Variants in PRMT3 observed in about 807,000 individuals in gnomAD.
PRMT3 encodes protein arginine methyltransferase 3.
In PRMT3, 62 loss-of-function variants were observed where a neutral mutation model predicts 71.9. That is an observed-to-expected ratio of 0.86 (90% CI 0.70 to 1.07). The LOEUF is 1.07. Among genes scored for constraint, PRMT3 ranks in the 50% least tolerant of loss-of-function variants. The pLI is 0.00. For missense variants in PRMT3, 663 were observed against 643.0 expected (o/e 1.03, Z -0.34); for synonymous variants, 213 against 220.4 (o/e 0.97, Z 0.30).
intron 9 of PRMT3, among the ~76,000 whole-genome samples, chr11:20,421,444 G>A (rs559161082): frequency 6.6e-6 from 1 of 152,254 alleles, no homozygotes; most frequent in Non-Finnish European, 1.5e-5. Flanking sequence ...TGTTGGCTGT[G>A]ACTCATGGGT....
chr11:20,491,679 G>T (rs1271884647), intron 13 of PRMT3, among the ~76,000 whole-genome samples: 1 of 152,032 alleles, frequency 6.6e-6, no homozygotes, highest in African/African-American at 2.4e-5. Context: ...TGTTGGTTTC[G>T]GTTTTTTTTC....
At chr11:20,477,680 C>T (rs1850825524) in intron 13 of PRMT3, among the ~76,000 whole-genome samples, 1 of 152,062 alleles carries the variant, frequency 6.6e-6, no homozygotes, top group Non-Finnish European at 1.5e-5. Flanking sequence ...CTTGAGGTAC[C>T]TGAAACAAAT....
chr11:20,443,154 T>C (rs1325873230), intron 10 of PRMT3, among the ~76,000 whole-genome samples: 2 of 152,212 alleles, frequency 1.3e-5, no homozygotes, highest in Non-Finnish European at 1.5e-5. Flanking sequence ...TTTAAATTAT[T>C]GACTTTAGGT....
intron 6 of PRMT3, 22 bp downstream of exon 6, chr11:20,395,984 AT>A (rs1262887462): frequency 2.5e-6 from 4 of 1,610,514 alleles, no homozygotes; most frequent in Non-Finnish European, 3.4e-6. Flanking sequence ...ATCTTGCAAA[AT>A]TAATTGTTTT....
chr11:20,498,395 AC>A (rs1171005785), intron 15 of PRMT3, among the ~76,000 whole-genome samples: 1 of 152,216 alleles, frequency 6.6e-6, no homozygotes, highest in African/African-American at 2.4e-5. Context: ...GTAAAATGAA[AC>A]ATCATGTAGA....
intron 5 of PRMT3, 79 bp downstream of exon 5, chr11:20,393,078 G>T: frequency 1.2e-6 from 1 of 860,028 alleles, no homozygotes. Flanking sequence ...GAGTGTTTTA[G>T]GAAAAGACAT....
intron 9 of PRMT3, among the ~76,000 whole-genome samples, chr11:20,421,238 A>G (rs1286658163): frequency 2.0e-5 from 3 of 151,964 alleles, no homozygotes; most frequent in Non-Finnish European, 4.4e-5. Context: ...AGTTCTTCCT[A>G]TGTTGCCTAG....
At chr11:20,388,564 C>T (rs552457787) in intron 2 of PRMT3, among the ~76,000 whole-genome samples, 28 of 152,348 alleles carry the variant, frequency 1.8e-4, no homozygotes, top group Admixed American at 1.2e-3. Flanking sequence ...ACATATTTGG[C>T]AGCCACCCTG....
rs140488368 is a variant in PRMT3, at chr11:20,417,097, G to A, written c.893+9065G>A. On this transcript the variant is annotated intron_variant, in intron 9 of 15. Coordinates refer to ENST00000331079, the MANE Select transcript of PRMT3 (RefSeq NM_005788.4). ...CACCTCCACTGTCATGCTCGCTGAC[G>A]TGTGCACTGAGTACTGGGTCTTTCT... is the stretch of plus-strand genomic sequence containing the variant. Among the ~76,000 whole-genome samples, 92 of 152,236 alleles carry A rather than the reference G, an allele frequency of 6.0e-4. No homozygotes were observed. The East Asian group carries it at 0.017, about 28-fold the overall frequency.
intron 15 of PRMT3, among the ~76,000 whole-genome samples, chr11:20,496,287 G>A (rs774743768): frequency 2.6e-5 from 4 of 152,074 alleles, no homozygotes; most frequent in East Asian, 1.9e-4. Flanking sequence ...GCATGGTGGC[G>A]CACACCTATA....
chr11:20,449,608 G>A (rs1850104707), intron 10 of PRMT3, among the ~76,000 whole-genome samples: 1 of 151,978 alleles, frequency 6.6e-6, no homozygotes, highest in Non-Finnish European at 1.5e-5. Flanking sequence ...ATGGTGCTTT[G>A]GGGAAGAATT....
chr11:20,482,288 G>A (rs866353114), intron 13 of PRMT3, among the ~76,000 whole-genome samples: 1 of 145,846 alleles, frequency 6.9e-6, no homozygotes, highest in Non-Finnish European at 1.5e-5. Flanking sequence ...TATTATAAAA[G>A]GATTTGAACA....
chr11:20,474,631 T>G (rs1850734677), intron 13 of PRMT3, among the ~76,000 whole-genome samples: 1 of 152,178 alleles, frequency 6.6e-6, no homozygotes, highest in South Asian at 2.1e-4. Flanking sequence ...AGAGGTGTGG[T>G]TTCCTGGGCA....
At chr11:20,491,920 G>C (rs887888506) in intron 13 of PRMT3, among the ~76,000 whole-genome samples, 6 of 152,048 alleles carry the variant, frequency 3.9e-5, no homozygotes, top group Admixed American at 3.9e-4. Context: ...AAAATTATTA[G>C]TTCCATTCAA....
intron 8 of PRMT3, among the ~76,000 whole-genome samples, chr11:20,404,423 G>C (rs893788018): frequency 6.6e-6 from 1 of 151,306 alleles, no homozygotes; most frequent in African/African-American, 2.4e-5. Context: ...TAATAGAGAC[G>C]GGGTTTCACC....
At chr11:20,504,859 A>G (rs1590118581) in intron 15 of PRMT3, among the ~76,000 whole-genome samples, 1 of 152,020 alleles carries the variant, frequency 6.6e-6, no homozygotes, top group Non-Finnish European at 1.5e-5. Flanking sequence ...TCAGCCTCCC[A>G]AGTAACTGAG....
intron 15 of PRMT3, among the ~76,000 whole-genome samples, chr11:20,497,443 T>C (rs1178335766): frequency 6.6e-6 from 1 of 152,154 alleles, no homozygotes; most frequent in Non-Finnish European, 1.5e-5. Context: ...TGAAGAAAGA[T>C]TTTAAAAGGA....
chr11:20,436,104 ATTTC>A (rs1168639439), intron 10 of PRMT3, among the ~76,000 whole-genome samples: 1 of 152,004 alleles, frequency 6.6e-6, no homozygotes, highest in East Asian at 1.9e-4. Context: ...TGCTTTCTTG[ATTTC>A]TTTATTACTT....
chr11:20,508,570 C>T lies in PRMT3; in HGVS notation c.*157C>T, dbSNP rs1851653921. On this transcript the variant is annotated 3_prime_UTR_variant, in exon 16 of 16. Coordinates refer to ENST00000331079, the MANE Select transcript of PRMT3 (RefSeq NM_005788.4). ...AGAAGTTCTCATTGTGGGAATCTGACATAGTTCAGCTGAGGAAGAGAATCA... is the reference window on the plus strand; with the variant it reads ...AGAAGTTCTCATTGTGGGAATCTGATATAGTTCAGCTGAGGAAGAGAATCA... 1 of 702,826 alleles carries T rather than the reference C, an allele frequency of 1.4e-6. No homozygotes were observed. The highest frequency in any genetic ancestry group is 1.5e-5 in the South Asian group (1 of 66,860). The allele number at this position is 702,826 out of a possible 1,614,324, so 43.5% of individuals were successfully genotyped here.
Sources: gnomAD v4.1 joint callset for allele counts (sites outside exome capture counted in the v4.1 genomes callset) on GRCh38, gnomAD v4.1.1 for gene constraint, MANE v1.5 for transcripts, NCBI Gene and HGNC (gene_info 2026-07-23, HGNC 2026-07-21) for gene names.